AGBL4: variants seen among roughly 807,000 people sequenced by gnomAD.
AGBL4 encodes the protein AGBL carboxypeptidase 4.
AGBL4 carries 58 observed loss-of-function variants against 66.4 expected under a neutral mutation model. That is an observed-to-expected ratio of 0.87 (90% CI 0.71 to 1.09). The LOEUF is 1.09. Among genes scored for constraint, AGBL4 ranks in the 50% least tolerant of loss-of-function variants. The pLI is 0.00. For missense variants in AGBL4, 579 were observed against 631.0 expected (o/e 0.92, Z 0.88); for synonymous variants, 234 against 222.9 (o/e 1.05, Z -0.44).
At chr1:49,933,036 T>C (rs1040584436) in intron 1 of AGBL4, among the ~76,000 whole-genome samples, 5 of 152,098 alleles carry the variant, frequency 3.3e-5, no homozygotes, top group African/African-American at 9.7e-5. Context: ...TTCACAAATC[T>C]TCTGAGGGAA....
Position 48,988,716 on chromosome 1 carries a change from G to C in AGBL4, c.594+56868C>G, listed in dbSNP as rs555512439. On this transcript the variant is annotated intron_variant, in intron 5 of 13. Coordinates refer to ENST00000371839, the MANE Select transcript of AGBL4 (RefSeq NM_032785.4). ...GCATCTCGATAAAGTGTCAGATAAAGGAGAGAAAAATTCAATTTAGAAGGC... is the reference window on the plus strand; with the variant it reads ...GCATCTCGATAAAGTGTCAGATAAACGAGAGAAAAATTCAATTTAGAAGGC... Among the ~76,000 whole-genome samples, 3 of 152,254 alleles carry C rather than the reference G, an allele frequency of 2.0e-5. No homozygotes were observed. The South Asian group carries it at 6.2e-4, about 32-fold the overall frequency.
At chr1:48,948,263 C>T (rs1656688835) in intron 5 of AGBL4, among the ~76,000 whole-genome samples, 1 of 152,202 alleles carries the variant, frequency 6.6e-6, no homozygotes, top group African/African-American at 2.4e-5. Flanking sequence ...TGCACGTGTG[C>T]CTTGCGCTTT....
At chr1:48,677,812 G>A (rs1317576067) in intron 6 of AGBL4, among the ~76,000 whole-genome samples, 1 of 152,226 alleles carries the variant, frequency 6.6e-6, no homozygotes, top group African/African-American at 2.4e-5. Context: ...CACAGTCAGG[G>A]TCCTGTCAAG....
intron 1 of AGBL4, chr1:50,017,398 A>G (rs1572065040): frequency 6.6e-6 from 1 of 152,284 alleles, no homozygotes; most frequent in East Asian, 1.9e-4. Context: ...TTTCCCATCA[A>G]TAAACATGAA....
At chr1:49,820,534 T>C (rs1557479359) in intron 2 of AGBL4, among the ~76,000 whole-genome samples, 1 of 152,128 alleles carries the variant, frequency 6.6e-6, no homozygotes, top group Non-Finnish European at 1.5e-5. Flanking sequence ...GAATAAGATA[T>C]GCTATGAATG....
intron 4 of AGBL4, among the ~76,000 whole-genome samples, chr1:49,173,525 T>G (rs1302823799): frequency 1.3e-5 from 2 of 152,318 alleles, no homozygotes; most frequent in South Asian, 4.1e-4. Flanking sequence ...TCAGACCATG[T>G]TCTAGTTGGT....
chr1:49,259,173 G>T (rs1259557234), intron 3 of AGBL4, among the ~76,000 whole-genome samples: 3 of 151,862 alleles, frequency 2.0e-5, no homozygotes, highest in African/African-American at 4.8e-5. Context: ...ACAAGGAAAG[G>T]AGCAACCAGT....
intron 4 of AGBL4, among the ~76,000 whole-genome samples, chr1:49,178,274 G>A (rs1203374125): frequency 6.6e-6 from 1 of 152,192 alleles, no homozygotes. Context: ...AATGTCCTCT[G>A]TAAAAGAGCA....
intron 4 of AGBL4, among the ~76,000 whole-genome samples, chr1:49,216,462 T>C (rs1649098789): frequency 6.6e-6 from 1 of 152,138 alleles, no homozygotes; most frequent in African/African-American, 2.4e-5. Flanking sequence ...TTTATGTCCA[T>C]GAGAACCCAA....
intron 6 of AGBL4, among the ~76,000 whole-genome samples, chr1:48,733,223 T>C (rs1344107996): frequency 6.6e-6 from 1 of 152,084 alleles, no homozygotes; most frequent in Non-Finnish European, 1.5e-5. Context: ...CAAATATATT[T>C]ACATGATGCT....
intron 3 of AGBL4, among the ~76,000 whole-genome samples, chr1:49,529,839 G>A (rs186796746): frequency 5.9e-5 from 9 of 151,928 alleles, no homozygotes; most frequent in African/African-American, 1.4e-4. Flanking sequence ...TAAATGTTCC[G>A]GGACCTTATT....
intron 3 of AGBL4, among the ~76,000 whole-genome samples, chr1:49,345,569 G>A (rs923169558): frequency 1.3e-5 from 2 of 152,080 alleles, no homozygotes; most frequent in African/African-American, 4.8e-5. Flanking sequence ...AAGAGAAATT[G>A]CCTAGGCTAA....
intron 6 of AGBL4, among the ~76,000 whole-genome samples, chr1:48,861,385 A>C (rs1361086150): frequency 1.3e-5 from 2 of 152,256 alleles, no homozygotes; most frequent in African/African-American, 4.8e-5. Context: ...AAAGAAAGAC[A>C]TAGAATCTTA....
chr1:49,578,304 T>A (rs753388587), intron 3 of AGBL4, among the ~76,000 whole-genome samples: 1 of 152,194 alleles, frequency 6.6e-6, no homozygotes, highest in South Asian at 2.1e-4. Flanking sequence ...AGTATTACCA[T>A]GCCCTGTGAT....
chr1:49,594,334 T>C (rs1007857033), intron 3 of AGBL4, among the ~76,000 whole-genome samples: 2 of 152,172 alleles, frequency 1.3e-5, no homozygotes, highest in Non-Finnish European at 2.9e-5. Flanking sequence ...TTTTGTTCAA[T>C]GTTAATTTTT....
At chr1:49,651,461 G>A (rs763970096) in intron 3 of AGBL4, among the ~76,000 whole-genome samples, 1 of 152,118 alleles carries the variant, frequency 6.6e-6, no homozygotes, top group Non-Finnish European at 1.5e-5. Flanking sequence ...AGGGCATAGA[G>A]CTAATGTAAG....
chr1:49,827,468 T>A (rs1279385310), intron 2 of AGBL4, among the ~76,000 whole-genome samples: 1 of 152,176 alleles, frequency 6.6e-6, no homozygotes, highest in Non-Finnish European at 1.5e-5. Context: ...TGGAAAGCTG[T>A]CCATTTTAAA....
intron 2 of AGBL4, among the ~76,000 whole-genome samples, chr1:49,767,574 A>G (rs1367279963): frequency 2.0e-5 from 3 of 152,030 alleles, no homozygotes; most frequent in Non-Finnish European, 2.9e-5. Context: ...AACAACCACA[A>G]CATAAGCGGA....
chr1:49,657,303 A>T (rs1166614916), intron 3 of AGBL4, among the ~76,000 whole-genome samples: 1 of 152,198 alleles, frequency 6.6e-6, no homozygotes, highest in East Asian at 1.9e-4. Flanking sequence ...CTTACAAGGG[A>T]TGTGAAGGAC....
Sources: allele counts gnomAD v4.1 joint callset (sites outside exome capture counted in the v4.1 genomes callset), GRCh38; gene constraint gnomAD v4.1.1; transcripts MANE v1.5; gene names NCBI Gene and HGNC (gene_info 2026-07-23, HGNC 2026-07-21).